Variants in PPA2 observed in about 807,000 individuals in gnomAD.
The protein encoded by PPA2 is inorganic pyrophosphatase 2, mitochondrial.
A neutral mutation model predicts 49.5 loss-of-function variants in PPA2; 48 were observed. The ratio of observed to expected loss-of-function variants is 0.97; its 90% CI spans 0.77 to 1.23. PPA2 has a LOEUF of 1.23. Ranked by LOEUF, PPA2 falls within the 50% of genes most tolerant of loss-of-function variation. The pLI, the probability that PPA2 is intolerant of heterozygous loss-of-function variation, is 0.00. For synonymous variants in PPA2, 131 were observed against 139.9 expected (o/e 0.94, Z 0.45); for missense variants, 429 against 410.1 (o/e 1.05, Z -0.40).
At chr4:105,438,711 GATCCC>G (rs1362325732) in intron 5 of PPA2, among the ~76,000 whole-genome samples, 1 of 152,086 alleles carries the variant, frequency 6.6e-6, no homozygotes, top group Non-Finnish European at 1.5e-5. Flanking sequence ...TAAGATTAAA[GATCCC>G]TTAGGCACTA....
chr4:105,425,723 TACACACACACACACACACACAC>T (rs59144523), intron 6 of PPA2, among the ~76,000 whole-genome samples: 1 of 122,534 alleles, frequency 8.2e-6, no homozygotes, highest in East Asian at 2.3e-4. Context: ...CACATGCACA[TACACACACACACACACACACAC>T]ACACACACAC....
intron 6 of PPA2, among the ~76,000 whole-genome samples, chr4:105,428,404 C>T (rs1437601862): frequency 6.6e-6 from 1 of 151,728 alleles, no homozygotes; most frequent in African/African-American, 2.4e-5. Context: ...CACAGAGTGG[C>T]AAATTGGATA....
intron 1 of PPA2, among the ~76,000 whole-genome samples, chr4:105,463,237 T>C (rs1723166245): frequency 6.6e-6 from 1 of 152,162 alleles, no homozygotes; most frequent in Non-Finnish European, 1.5e-5. Context: ...ATGAGGAAAT[T>C]GTTGGGAACT....
chr4:105,473,883 G>A lies in PPA2; in HGVS notation c.157+11C>T, dbSNP rs771787525. ...GGTGCGCCGCTCGGCGAACCTCCGGGAGCTACTTACTAAAGAAGAGGCGGT... is the reference window on the plus strand; with the variant it reads ...GGTGCGCCGCTCGGCGAACCTCCGGAAGCTACTTACTAAAGAAGAGGCGGT... On this transcript the variant is annotated intron_variant, in intron 1 of 11. Coordinates refer to ENST00000341695, the MANE Select transcript of PPA2 (RefSeq NM_176869.3). The A allele has an allele frequency of 3.8e-6, 6 of 1,591,180 alleles. No individual in the cohort carries two copies. Among genetic ancestry groups the A allele is most frequent in the Non-Finnish European group, 5.1e-6 (6 of 1,166,926 alleles).
chr4:105,446,201 A>G (rs1722376162), intron 5 of PPA2, 182 bp downstream of exon 5: 1 of 519,904 alleles, frequency 1.9e-6, no homozygotes. Flanking sequence ...ATAGACATAT[A>G]TATGGTTTAA....
At chr4:105,414,049 A>G (rs905738321) in intron 7 of PPA2, among the ~76,000 whole-genome samples, 1 of 152,246 alleles carries the variant, frequency 6.6e-6, no homozygotes, top group African/African-American at 2.4e-5. Context: ...TACATACTCA[A>G]TTCACAGAAG....
chr4:105,391,355 A>G (rs995978674), intron 9 of PPA2, among the ~76,000 whole-genome samples: 5 of 151,554 alleles, frequency 3.3e-5, no homozygotes, highest in African/African-American at 1.2e-4. Context: ...AAAAAAAAAA[A>G]AAAAAAAAGG....
intron 7 of PPA2, among the ~76,000 whole-genome samples, chr4:105,407,928 G>A (rs966122715): frequency 6.6e-6 from 1 of 152,124 alleles, no homozygotes; most frequent in Admixed American, 6.5e-5. Flanking sequence ...GTTGCTAGAA[G>A]ACTATATAGT....
chr4:105,451,663 G>A lies in PPA2; in HGVS notation c.267+1935C>T, dbSNP rs142949230. 5.2e-3 allele frequency among the ~76,000 whole-genome samples: 789 copies of A among 152,296 alleles called. 5 individuals carry two copies. Among genetic ancestry groups the A allele is most frequent in the Non-Finnish European group, 9.8e-3 (666 of 68,020 alleles). On this transcript the variant is annotated intron_variant, in intron 3 of 11. Coordinates refer to ENST00000341695, the MANE Select transcript of PPA2 (RefSeq NM_176869.3). The stretch of plus-strand genomic sequence containing the variant: ...TGCTTGCAGATGAATACTCAGAGGT[G>A]ACCAAGAAGACCAAGCTGGTGACAA...
chr4:105,464,960 ATATT>A (rs1160103265), intron 1 of PPA2, among the ~76,000 whole-genome samples: 1 of 152,232 alleles, frequency 6.6e-6, no homozygotes, highest in Admixed American at 6.5e-5. Flanking sequence ...TGTCTTCTGC[ATATT>A]TATTTTTTCA....
intron 5 of PPA2, among the ~76,000 whole-genome samples, chr4:105,442,957 T>A (rs1270088517): frequency 6.6e-6 from 1 of 152,178 alleles, no homozygotes; most frequent in Non-Finnish European, 1.5e-5. Context: ...TTCACAGTTA[T>A]TGATCACCTA....
Position 105,427,597 on chromosome 4 carries a change from T to C in PPA2, c.529-3275A>G, listed in dbSNP as rs1578850864. On this transcript the variant is annotated intron_variant, in intron 6 of 11. Coordinates refer to ENST00000341695, the MANE Select transcript of PPA2 (RefSeq NM_176869.3). Reference sequence around the variant, plus strand: ...ATTCAATCAAGCACAAGACAGGATATCAGTGACTGAAGATCAAATTAATGA... The same window carrying C: ...ATTCAATCAAGCACAAGACAGGATACCAGTGACTGAAGATCAAATTAATGA... Among the ~76,000 whole-genome samples, 7 of 151,978 alleles carry C rather than the reference T, an allele frequency of 4.6e-5. 1 individual carries two copies. The highest frequency in any genetic ancestry group is 1.7e-4 in the African/African-American group (7 of 41,430).
intron 7 of PPA2, among the ~76,000 whole-genome samples, chr4:105,412,734 G>C (rs768778957): frequency 3.3e-5 from 5 of 152,222 alleles, no homozygotes; most frequent in Non-Finnish European, 7.3e-5. Flanking sequence ...ATGAAAACAT[G>C]CTCATCATTA....
At chr4:105,464,504 TG>T in intron 1 of PPA2, among the ~76,000 whole-genome samples, 1 of 152,250 alleles carries the variant, frequency 6.6e-6, no homozygotes, top group South Asian at 2.1e-4. Context: ...GAAGGCATGT[TG>T]GTTTTGAAAT....
intron 7 of PPA2, among the ~76,000 whole-genome samples, chr4:105,420,310 G>A (rs547908737): frequency 1.2e-3 from 183 of 152,114 alleles, no homozygotes; most frequent in African/African-American, 4.2e-3. Flanking sequence ...GTCACACTAC[G>A]TTGCTCAGGC....
In PPA2 at chr4:105,449,423, A is replaced by C; in HGVS notation, c.268-20T>G. 1 of 1,505,192 alleles carries C rather than the reference A, an allele frequency of 6.6e-7. No individual in the cohort carries two copies. Among genetic ancestry groups the C allele is most frequent in the East Asian group, 2.3e-5 (1 of 43,772 alleles). The allele number at this position is 1,505,192 out of a possible 1,614,324, so 93.2% of individuals were successfully genotyped here. On this transcript the variant is annotated intron_variant, in intron 3 of 11. Transcript: ENST00000341695. ...CAGATTCTGCAGTTAAAAACAAAAC[A>C]AAGAGAGAACATTAAAAATTTTACC...
At chr4:105,380,384 T>A (rs1214947628) in intron 10 of PPA2, among the ~76,000 whole-genome samples, 2 of 152,220 alleles carry the variant, frequency 1.3e-5, no homozygotes, top group Non-Finnish European at 2.9e-5. Context: ...CTTCTTTTCT[T>A]TCCTGATCAT....
chr4:105,400,821 C>T (rs556553881), intron 7 of PPA2, among the ~76,000 whole-genome samples: 30 of 151,944 alleles, frequency 2.0e-4, no homozygotes, highest in African/African-American at 6.5e-4. Flanking sequence ...AGGCTTTCTC[C>T]CCAAAAGTCA....
intron 7 of PPA2, among the ~76,000 whole-genome samples, chr4:105,417,635 A>T (rs768960283): frequency 2.4e-4 from 36 of 151,892 alleles, no homozygotes; most frequent in Admixed American, 4.6e-4. Context: ...CATCTCAATT[A>T]TAATTTTTTA....
Sources: gnomAD v4.1 joint callset for allele counts (sites outside exome capture counted in the v4.1 genomes callset) on GRCh38, gnomAD v4.1.1 for gene constraint, MANE v1.5 for transcripts, NCBI Gene and HGNC (gene_info 2026-07-23, HGNC 2026-07-21) for gene names.